MEOX2: variants seen among roughly 807,000 people sequenced by gnomAD.
MEOX2 encodes the protein mesenchyme homeobox 2.
In MEOX2, 11 loss-of-function variants were observed where a neutral mutation model predicts 27.0. That is an observed-to-expected ratio of 0.41 (90% confidence interval 0.26 to 0.68). MEOX2 has a LOEUF of 0.68. MEOX2 is among the 30% of genes least tolerant of loss of function. The pLI is 0.33. For synonymous variants in MEOX2, 189 were observed against 155.4 expected (o/e 1.22, Z -1.61); for missense variants, 436 against 385.4 (o/e 1.13, Z -1.10).
chr7:15,676,808 A>C (rs147425105), intron 1 of MEOX2, among the ~76,000 whole-genome samples: 3,059 of 152,014 alleles, frequency 0.02, 113 homozygotes, highest in African/African-American at 0.071. Flanking sequence ...CAGTGAGTCA[A>C]GATTGCGCCA....
intron 1 of MEOX2, among the ~76,000 whole-genome samples, chr7:15,652,833 G>C (rs1781753631): frequency 6.6e-6 from 1 of 151,944 alleles, no homozygotes; most frequent in Admixed American, 6.6e-5. Context: ...TTGCTGAGTG[G>C]TTTTCCATGT....
chr7:15,635,179 G>T (rs954390301), intron 1 of MEOX2, among the ~76,000 whole-genome samples: 1 of 151,878 alleles, frequency 6.6e-6, no homozygotes, highest in African/African-American at 2.4e-5. Flanking sequence ...GGCTCAAAGT[G>T]GCTGAAGGGC....
Position 15,612,234 on chromosome 7 carries a change from C to G in MEOX2, c.*153G>C, listed in dbSNP as rs917108594. 2.6e-5 allele frequency: 17 copies of G among 661,028 alleles called. 1 individual carries two copies. The Admixed American group carries it at 3.3e-4, about 13-fold the overall frequency. The allele number at this position is 661,028 out of a possible 1,614,324, so 40.9% of individuals were successfully genotyped here. A position where few individuals can be genotyped will look rare whatever the true frequency, so the allele number is the denominator to read the frequency against. ...TTAATAAGTGGCACTTTGTGTAAAC[C>G]CTCTATAAATCATGAAAAACAGATT... On this transcript the variant is annotated 3_prime_UTR_variant, in exon 3 of 3. Transcript: ENST00000262041.
At chr7:15,634,796 G>T (rs1015940653) in intron 1 of MEOX2, among the ~76,000 whole-genome samples, 4 of 151,922 alleles carry the variant, frequency 2.6e-5, no homozygotes, top group Non-Finnish European at 4.4e-5. Context: ...AGATAAAATT[G>T]TTCAAGAAGA....
At chr7:15,618,815 A>G (rs1781166653) in intron 2 of MEOX2, among the ~76,000 whole-genome samples, 1 of 152,004 alleles carries the variant, frequency 6.6e-6, no homozygotes, top group East Asian at 1.9e-4. Context: ...CAAGTTTATT[A>G]TATAAACTTA....
chr7:15,646,336 T>C (rs555351287), intron 1 of MEOX2, among the ~76,000 whole-genome samples: 39 of 152,182 alleles, frequency 2.6e-4, no homozygotes, highest in Middle Eastern at 3.4e-3. Flanking sequence ...TGTTTTTTCC[T>C]TCCCAAACCT....
rs149238616 is a variant in MEOX2, at chr7:15,629,554, A to C, written c.518-2636T>G. The stretch of plus-strand genomic sequence containing the variant: ...AATTGTAATTAAATTACATTAAATT[A>C]GATGACAGAGTGGATGTATGCTTCT... On this transcript the variant is annotated intron_variant, in intron 1 of 2. Transcript: ENST00000262041. 4.9e-3 allele frequency among the ~76,000 whole-genome samples: 749 copies of C among 152,222 alleles called. 8 individuals are homozygous for C. The highest frequency in any genetic ancestry group is 0.017 in the African/African-American group (711 of 41,550).
intron 1 of MEOX2, chr7:15,667,807 T>G (rs1289164910): frequency 6.6e-6 from 1 of 152,148 alleles, no homozygotes; most frequent in Non-Finnish European, 1.5e-5. Context: ...TTACAAGGTA[T>G]TAGAAGTGTA....
At chr7:15,632,813 T>C (rs985032604) in intron 1 of MEOX2, among the ~76,000 whole-genome samples, 48 of 152,042 alleles carry the variant, frequency 3.2e-4, no homozygotes, top group African/African-American at 1.1e-3. Context: ...GAGCCCAGAA[T>C]TGACTTTATG....
At chr7:15,639,098 G>A (rs1170923630) in intron 1 of MEOX2, among the ~76,000 whole-genome samples, 4 of 151,924 alleles carry the variant, frequency 2.6e-5, no homozygotes, top group Admixed American at 6.6e-5. Flanking sequence ...TCCCACCAAC[G>A]GTGTAAAAGT....
rs369029291 is a variant in MEOX2 at position 15,648,835 on chromosome 7, A to T, written c.518-21917T>A. On this transcript the variant is annotated intron_variant, in intron 1 of 2. Coordinates refer to ENST00000262041, the MANE Select transcript of MEOX2 (RefSeq NM_005924.5). ...TTAATCACCCAGAGGAAGTAAAGAG[A>T]TTTGAGGTTGGAGTTTAGTTACCCA... Among the ~76,000 whole-genome samples the T allele has an allele frequency of 9.2e-5, 14 of 152,152 alleles. No homozygotes were observed. In the East Asian group the frequency reaches 1.9e-3, roughly 21 times the overall value.
intron 1 of MEOX2, among the ~76,000 whole-genome samples, chr7:15,656,786 G>A (rs906851973): frequency 4.6e-5 from 7 of 151,590 alleles, no homozygotes; most frequent in Non-Finnish European, 7.4e-5. Context: ...CCTTGCCATT[G>A]TTCTTTTTCC....
chr7:15,686,344 T>A lies in MEOX2; in HGVS notation c.59A>T (p.His20Leu). ...RSPHATAQGL[H>L]PFSQSSLALH... ...GGCGAGAGAGGATTGGGAGAACGGG[T>A]GCAAGCCTTGCGCCGTGGCGTGAGG... The change falls in exon 1 of 3, where the codon CAC (histidine) becomes CTC (leucine). Residue 20 changes from histidine to leucine, a missense_variant. Coordinates refer to ENST00000262041, the MANE Select transcript of MEOX2 (RefSeq NM_005924.5). 6.3e-7 allele frequency: 1 copy of A among 1,597,888 alleles called. No homozygotes were observed. Among genetic ancestry groups the A allele is most frequent in the Non-Finnish European group, 8.5e-7 (1 of 1,171,666 alleles).
intron 1 of MEOX2, among the ~76,000 whole-genome samples, chr7:15,632,620 G>T (rs551996220): frequency 9.9e-5 from 15 of 151,746 alleles, no homozygotes; most frequent in African/African-American, 2.4e-4. Context: ...ATTTTTAAAG[G>T]CCAGAGACAC....
At chr7:15,631,847 A>T (rs1781407698) in intron 1 of MEOX2, among the ~76,000 whole-genome samples, 2 of 150,054 alleles carry the variant, frequency 1.3e-5, no homozygotes, top group South Asian at 4.2e-4. Flanking sequence ...AATATCATAA[A>T]TTTATCACAG....
intron 1 of MEOX2, among the ~76,000 whole-genome samples, chr7:15,628,298 T>C (rs755714602): frequency 2.6e-5 from 4 of 152,122 alleles, no homozygotes; most frequent in African/African-American, 7.2e-5. Flanking sequence ...CAAGGCACTT[T>C]AATGTAAAGA....
intron 1 of MEOX2, among the ~76,000 whole-genome samples, chr7:15,644,142 G>C (rs1161186579): frequency 6.6e-6 from 1 of 152,172 alleles, no homozygotes; most frequent in African/African-American, 2.4e-5. Context: ...AGCTGCAGCT[G>C]TTCAGTGCAG....
At chr7:15,620,583 A>C (rs1204358475) in intron 2 of MEOX2, among the ~76,000 whole-genome samples, 1 of 151,344 alleles carries the variant, frequency 6.6e-6, no homozygotes, top group Non-Finnish European at 1.5e-5. Flanking sequence ...CAAAAAAGCA[A>C]AACAAAAAAA....
chr7:15,613,886 C>T (rs945390834), intron 2 of MEOX2, among the ~76,000 whole-genome samples: 7 of 151,840 alleles, frequency 4.6e-5, no homozygotes, highest in African/African-American at 1.7e-4. Flanking sequence ...GACATTCTTG[C>T]ATTTGTGTCC....
Sources: gnomAD v4.1 joint callset for allele counts (sites outside exome capture counted in the v4.1 genomes callset) on GRCh38, gnomAD v4.1.1 for gene constraint, MANE v1.5 for transcripts, NCBI Gene and HGNC (gene_info 2026-07-23, HGNC 2026-07-21) for gene names.